Variants in FBXO22 observed in about 807,000 individuals in gnomAD.
FBXO22 encodes F-box only protein 22.
FBXO22 carries 13 observed loss-of-function variants against 37.2 expected under a neutral mutation model. The ratio of observed to expected loss-of-function variants is 0.35; its 90% CI spans 0.23 to 0.56. The LOEUF (loss-of-function observed/expected upper bound fraction) is 0.56, where lower values mean the gene tolerates loss of function less well. Among genes scored for constraint, FBXO22 ranks in the 20% least tolerant of loss-of-function variants. The pLI is 0.87. For missense variants in FBXO22, 446 were observed against 509.9 expected (o/e 0.87, Z 1.21); for synonymous variants, 189 against 189.1 (o/e 1.00, Z 0.00).
At chr15:75,914,620 T>C (rs905988492) in intron 4 of FBXO22, among the ~76,000 whole-genome samples, 3 of 152,218 alleles carry the variant, frequency 2.0e-5, no homozygotes, top group Non-Finnish European at 4.4e-5. Context: ...CTTCAATGTT[T>C]ACAGCATGAG....
At position 75,914,124 on chromosome 15, in the gene FBXO22, A is replaced by G. The variant is rs375440844; in HGVS notation, c.382A>G (p.Ser128Gly). ...TATTTTTACAGCAAGGAAAAGAACT[A>G]GTATGGAAACAGCACTTGCCCTTGA... ...RGHKRARKRT[S>G]METALALEKL... The change falls in exon 4 of 7, where the codon AGT becomes GGT. Residue 128 changes from serine (S) to glycine (G), a missense_variant. Transcript: ENST00000308275. 8.1e-6 allele frequency: 13 copies of G among 1,612,460 alleles called. No individual in the cohort carries two copies. The highest frequency in any genetic ancestry group is 1.1e-5 in the Non-Finnish European group (13 of 1,178,856).
intron 2 of FBXO22, among the ~76,000 whole-genome samples, chr15:75,908,805 G>A (rs909269311): frequency 4.6e-5 from 7 of 152,112 alleles, no homozygotes; most frequent in Non-Finnish European, 8.8e-5. Flanking sequence ...GTAAAAATTC[G>A]GTGGAATTTT....
At chr15:75,907,040 T>C (rs1260049580) in intron 2 of FBXO22, among the ~76,000 whole-genome samples, 1 of 152,172 alleles carries the variant, frequency 6.6e-6, no homozygotes. Flanking sequence ...AGCTTTTTTT[T>C]CCATTTACTG....
rs768258083 is a variant in FBXO22, at chr15:75,939,880, T to G, written c.*6778T>G. 9 of 152,080 alleles carry G rather than the reference T, an allele frequency of 5.9e-5. No homozygotes were observed. Among genetic ancestry groups the G allele is most frequent in the Admixed American group, 2.0e-4 (3 of 15,264 alleles). 9.4% of individuals were successfully genotyped at this position (152,080 alleles called of 1,614,324 possible). On this transcript the variant is annotated 3_prime_UTR_variant, in exon 7 of 7. Coordinates refer to ENST00000308275, the MANE Select transcript of FBXO22 (RefSeq NM_147188.3). ...AAATGAGGGATAAGAGGAAACTACC[T>G]GAACATAATAAAAGCCAGACATGAA...
At chr15:75,910,783 CA>C (rs1900035894) in intron 2 of FBXO22, among the ~76,000 whole-genome samples, 1 of 152,170 alleles carries the variant, frequency 6.6e-6, no homozygotes. Context: ...TCCTATTTGT[CA>C]ATTTTGGCTT....
chr15:75,931,069 C>A (rs2029991664), intron 6 of FBXO22, among the ~76,000 whole-genome samples: 1 of 152,074 alleles, frequency 6.6e-6, no homozygotes, highest in Non-Finnish European at 1.5e-5. Flanking sequence ...TTCTTGGTGG[C>A]TATCTAAGTT....
At position 75,914,587 on chromosome 15, in the gene FBXO22, T is replaced by C. The variant is rs189421182; in HGVS notation, c.463+382T>C. Among the ~76,000 whole-genome samples the C allele has an allele frequency of 1.4e-4, 21 of 152,314 alleles. No homozygotes were observed. The East Asian group carries it at 3.7e-3, about 27-fold the overall frequency. On this transcript the variant is annotated intron_variant, in intron 4 of 6. Transcript: ENST00000308275. Reference sequence around the variant, plus strand: ...AAGCTGGGCCTTACTAGGAGACTTCTGTTTCTCTGCTTTGGTACCACTCTT... The same window carrying C: ...AAGCTGGGCCTTACTAGGAGACTTCCGTTTCTCTGCTTTGGTACCACTCTT...
intron 2 of FBXO22, among the ~76,000 whole-genome samples, chr15:75,910,012 C>G (rs1306216763): frequency 6.6e-6 from 1 of 152,090 alleles, no homozygotes; most frequent in Non-Finnish European, 1.5e-5. Flanking sequence ...TGAGAACATG[C>G]AGCATTTGGT....
rs1201121113 is a variant in FBXO22 at position 75,930,090 on chromosome 15, G to C, written c.794+41G>C. 2.5e-6 allele frequency: 4 copies of C among 1,612,570 alleles called. No homozygotes were observed. In the African/African-American group the frequency reaches 5.3e-5, roughly 22 times the overall value. ...TTCTGATTTCGTCTGTGAATGAAGG[G>C]AAATGGTCTCAGGTTTTGTCACTTT... On this transcript the variant is annotated intron_variant, in intron 6 of 6. Coordinates refer to ENST00000308275, the MANE Select transcript of FBXO22 (RefSeq NM_147188.3).
intron 2 of FBXO22, among the ~76,000 whole-genome samples, chr15:75,905,932 C>T (rs766164185): frequency 8.5e-5 from 13 of 152,178 alleles, no homozygotes; most frequent in Non-Finnish European, 1.6e-4. Context: ...TAAAATCACT[C>T]TTCTACTGTA....
chr15:75,911,401 G>A (rs1162899647), intron 2 of FBXO22, among the ~76,000 whole-genome samples: 2 of 152,118 alleles, frequency 1.3e-5, no homozygotes, highest in African/African-American at 2.4e-5. Context: ...CTTGAGCATG[G>A]AATGTTTTTC....
At chr15:75,904,773 C>A in intron 2 of FBXO22, 144 bp downstream of exon 2, 1 of 766,024 alleles carries the variant, frequency 1.3e-6, no homozygotes, top group Non-Finnish European at 2.0e-6. Context: ...GTTTTAGTGA[C>A]TACACGGTAA....
rs918980223 is a variant in FBXO22, at chr15:75,937,625, G to GAAA, written c.*4525_*4527dup. On this transcript the variant is annotated 3_prime_UTR_variant, in exon 7 of 7. Transcript: ENST00000308275. ...TGCCCAATCATCTGCAGAATGGTAG[G>GAAA]AAAATATTGTGACTTTTTAGTGGCT... 6.8e-6 allele frequency: 1 copy of GAAA among 147,468 alleles called. No homozygotes were observed. Among genetic ancestry groups the GAAA allele is most frequent in the African/African-American group, 2.4e-5 (1 of 41,132 alleles). The allele number at this position is 147,468 out of a possible 1,614,324, so 9.1% of individuals were successfully genotyped here.
Position 75,933,402 on chromosome 15 carries a change from T to C in FBXO22, c.*300T>C. ...CATGACCTTAAATAGTCTTCCTGCA[T>C]AGGAAGAGCAAAAGGGTATTCATCA... On this transcript the variant is annotated 3_prime_UTR_variant, in exon 7 of 7. Transcript: ENST00000308275. 1 of 303,582 alleles carries C rather than the reference T, an allele frequency of 3.3e-6. No homozygotes were observed. Among genetic ancestry groups the C allele is most frequent in the South Asian group, 4.0e-5 (1 of 25,134 alleles). 18.8% of individuals were successfully genotyped at this position (303,582 alleles called of 1,614,324 possible). A position where few individuals can be genotyped will look rare whatever the true frequency, so the allele number is the denominator to read the frequency against.
At position 75,938,667 on chromosome 15, in the gene FBXO22, A is replaced by G. The variant is rs1339427971; in HGVS notation, c.*5565A>G. The G allele has an allele frequency of 6.6e-6, 1 of 152,238 alleles. No individual in the cohort carries two copies. Among genetic ancestry groups the G allele is most frequent in the Non-Finnish European group, 1.5e-5 (1 of 68,048 alleles). 9.4% of individuals were successfully genotyped at this position (152,238 alleles called of 1,614,324 possible). A position where few individuals can be genotyped will look rare whatever the true frequency, so the allele number is the denominator to read the frequency against. ...GGTTCAGCAGCAGATATAAGCAGGT[A>G]GAAGAAAGAATCAGCAAACTTGAGA... On this transcript the variant is annotated 3_prime_UTR_variant, in exon 7 of 7. Coordinates refer to ENST00000308275, the MANE Select transcript of FBXO22 (RefSeq NM_147188.3).
At chr15:75,918,041 A>G (rs1900226727) in intron 5 of FBXO22, among the ~76,000 whole-genome samples, 1 of 152,222 alleles carries the variant, frequency 6.6e-6, no homozygotes, top group African/African-American at 2.4e-5. Flanking sequence ...TACTCAAGGA[A>G]AGCAGCGTTT....
At chr15:75,930,311 T>C in intron 6 of FBXO22, 1 of 1,372,062 alleles carries the variant, frequency 7.3e-7, no homozygotes, top group South Asian at 1.6e-5. Context: ...CCTGTTGATC[T>C]TTCCTTTGAC....
intron 5 of FBXO22, among the ~76,000 whole-genome samples, chr15:75,922,923 G>C (rs1325713163): frequency 4.6e-5 from 7 of 152,200 alleles, no homozygotes; most frequent in Admixed American, 2.0e-4. Flanking sequence ...GGAACACTGG[G>C]ACAGGAGGAG....
In FBXO22 at chr15:75,903,890, C is replaced by T. The variant is rs966799779; in HGVS notation, c.-74C>T. 8 of 1,398,492 alleles carry T rather than the reference C, an allele frequency of 5.7e-6. No individual in the cohort carries two copies. In the Admixed American group the frequency reaches 1.2e-4, roughly 21 times the overall value. 86.6% of individuals were successfully genotyped at this position (1,398,492 alleles called of 1,614,324 possible). A position where few individuals can be genotyped will look rare whatever the true frequency, so the allele number is the denominator to read the frequency against. ...CGGACGCCTGCTCAGTGCGCGCCGG[C>T]CGGGCAACCCTATGCTGGCGTAATC... On this transcript the variant is annotated 5_prime_UTR_variant, in exon 1 of 7. Coordinates refer to ENST00000308275, the MANE Select transcript of FBXO22 (RefSeq NM_147188.3).
Sources: gnomAD v4.1 joint callset for allele counts (sites outside exome capture counted in the v4.1 genomes callset) on GRCh38, gnomAD v4.1.1 for gene constraint, MANE v1.5 for transcripts, NCBI Gene and HGNC (gene_info 2026-07-23, HGNC 2026-07-21) for gene names.